METTL9: variants seen among roughly 807,000 people sequenced by gnomAD.
METTL9 encodes the protein protein-L-histidine N-pros-methyltransferase.
Under a neutral mutation model 36.0 loss-of-function variants are expected in METTL9, and 10 were observed. That is an observed-to-expected ratio of 0.28 (90% CI 0.17 to 0.47). The LOEUF is 0.47. Ranked by LOEUF, METTL9 falls within the 20% of genes least tolerant of loss-of-function variation. The pLI, the probability that METTL9 is intolerant of heterozygous loss-of-function variation, is 0.99. For missense variants in METTL9, 246 were observed against 383.5 expected (o/e 0.64, Z 3.00); for synonymous variants, 175 against 149.7 (o/e 1.17, Z -1.23).
At chr16:21,647,033 A>C in intron 4 of METTL9, 1 of 1,510,020 alleles carries the variant, frequency 6.6e-7, no homozygotes, top group Non-Finnish European at 9.2e-7. Flanking sequence ...GTATTAACTT[A>C]GCAAATTTAT....
At chr16:21,603,764 A>G (rs975897299) in intron 1 of METTL9, among the ~76,000 whole-genome samples, 2 of 152,094 alleles carry the variant, frequency 1.3e-5, no homozygotes, top group African/African-American at 4.8e-5. Flanking sequence ...ACCAAACCAC[A>G]ACGATTTCTC....
chr16:21,618,818 A>G (rs2152894818), intron 3 of METTL9, among the ~76,000 whole-genome samples: 1 of 152,014 alleles, frequency 6.6e-6, no homozygotes, highest in East Asian at 1.9e-4. Context: ...GGTTCAAGCA[A>G]TTCTCCTGCC....
intron 4 of METTL9, chr16:21,643,200 G>A (rs1966323688): frequency 2.1e-6 from 3 of 1,424,722 alleles, no homozygotes; most frequent in Admixed American, 1.7e-5. Context: ...GGGAATATAA[G>A]CGATGATAAC....
At chr16:21,628,549 A>G (rs947965707) in intron 4 of METTL9, among the ~76,000 whole-genome samples, 3 of 151,880 alleles carry the variant, frequency 2.0e-5, no homozygotes, top group African/African-American at 7.3e-5. Flanking sequence ...ACGGGAGTGC[A>G]GTGGTGCTGT....
Position 21,657,182 on chromosome 16 carries a change from A to C in METTL9, c.*1750A>C, listed in dbSNP as rs1198424853. The C allele has an allele frequency of 2.0e-5, 3 of 151,698 alleles. No homozygotes were observed. The highest frequency in any genetic ancestry group is 1.5e-5 in the Non-Finnish European group (1 of 67,934). 9.4% of individuals were successfully genotyped at this position (151,698 alleles called of 1,614,324 possible). On this transcript the variant is annotated 3_prime_UTR_variant, in exon 5 of 5. Transcript: ENST00000358154. ...AGAAAAATACAACTCATTCTTAACC[A>C]CCCCCCCAAAACAGAGAAAACACAT... is the stretch of plus-strand genomic sequence containing the variant.
At chr16:21,646,717 C>A in intron 4 of METTL9, 1 of 284,022 alleles carries the variant, frequency 3.5e-6, no homozygotes, top group Non-Finnish European at 7.0e-6. Flanking sequence ...TGCAGTAGTG[C>A]GATCTCGGTT....
chr16:21,606,800 C>T (rs1051362500), intron 1 of METTL9, among the ~76,000 whole-genome samples: 47 of 152,218 alleles, frequency 3.1e-4, no homozygotes, highest in African/African-American at 1.1e-3. Context: ...TTTATTATAC[C>T]ACATCATCTA....
intron 1 of METTL9, among the ~76,000 whole-genome samples, chr16:21,607,353 T>C (rs909154090): frequency 3.3e-5 from 5 of 152,134 alleles, no homozygotes; most frequent in African/African-American, 1.2e-4. Context: ...GGATTACAGG[T>C]GTGAGCCATC....
chr16:21,637,744 C>T (rs1354961465), intron 4 of METTL9, among the ~76,000 whole-genome samples: 2 of 152,258 alleles, frequency 1.3e-5, no homozygotes, highest in Non-Finnish European at 2.9e-5. Context: ...CGTGCCTCTC[C>T]CTCCACACTT....
At chr16:21,621,858 G>A (rs556550028) in intron 3 of METTL9, among the ~76,000 whole-genome samples, 7 of 151,656 alleles carry the variant, frequency 4.6e-5, no homozygotes, top group South Asian at 4.2e-4. Context: ...CTCCCAACCC[G>A]AGATGGCAAG....
intron 4 of METTL9, among the ~76,000 whole-genome samples, chr16:21,642,668 T>G (rs761254322): frequency 6.4e-4 from 98 of 152,316 alleles, no homozygotes; most frequent in Non-Finnish European, 1.2e-3. Context: ...TGTGAATTTA[T>G]TTTTGCCTTA....
chr16:21,599,612 G>C lies in METTL9; in HGVS notation c.-122G>C. On this transcript the variant is annotated 5_prime_UTR_variant, in exon 1 of 5. Coordinates refer to ENST00000358154, the MANE Select transcript of METTL9 (RefSeq NM_016025.5). This position sits in a 1 kb window ranked among gnomAD's most constrained non-coding sequence, Gnocchi z 4.4. Reference sequence around the variant, plus strand: ...CCAGCCTTTGCCCTGAAGGGGGCTGGATGGGCAAGGCGGCCGCGATGGCTC... The same window carrying C: ...CCAGCCTTTGCCCTGAAGGGGGCTGCATGGGCAAGGCGGCCGCGATGGCTC... The C allele has an allele frequency of 7.5e-7, 1 of 1,329,984 alleles. No homozygotes were observed. 82.4% of individuals were successfully genotyped at this position (1,329,984 alleles called of 1,614,324 possible).
intron 1 of METTL9, among the ~76,000 whole-genome samples, chr16:21,608,008 G>C (rs1026265051): frequency 6.6e-6 from 1 of 152,132 alleles, no homozygotes; most frequent in Non-Finnish European, 1.5e-5. Context: ...AATTAGCCAG[G>C]CGGGGTGGTA....
Position 21,599,714 on chromosome 16 carries a change from G to A in METTL9, c.-20G>A, listed in dbSNP as rs1218326866. The A allele has an allele frequency of 1.4e-6, 2 of 1,478,660 alleles. No homozygotes were observed. 91.6% of individuals were successfully genotyped at this position (1,478,660 alleles called of 1,614,324 possible). The stretch of plus-strand genomic sequence containing the variant: ...CGCCCCGGCGCCGGCGGTGATCCGA[G>A]CGAGCGGCCGCGGCCCCCGATGAGA... On this transcript the variant is annotated 5_prime_UTR_variant, in exon 1 of 5. Transcript: ENST00000358154. The surrounding 1 kb of genome is among the most constrained non-coding windows in gnomAD (Gnocchi z 4.4).
chr16:21,613,373 G>A (rs1458945351), intron 2 of METTL9, among the ~76,000 whole-genome samples: 4 of 151,594 alleles, frequency 2.6e-5, no homozygotes, highest in African/African-American at 9.7e-5. Flanking sequence ...TAGTAGAGAC[G>A]AGGTTTCTAT....
chr16:21,599,840 T>C lies in METTL9; in HGVS notation c.107T>C (p.Met36Thr), dbSNP rs1487300116. 1 of 1,527,880 alleles carries C rather than the reference T, an allele frequency of 6.5e-7. No individual in the cohort carries two copies. The allele number at this position is 1,527,880 out of a possible 1,614,324, so 94.6% of individuals were successfully genotyped here. A position where few individuals can be genotyped will look rare whatever the true frequency, so the allele number is the denominator to read the frequency against. ...SPLTRSLYVN[M>T]TSGPGGPAAA... is the part of the protein sequence containing the mutation. ...CTCACCCGCTCCCTGTACGTGAACA[T>C]GACTAGCGGCCCGGGTGGGCCGGCG... The change falls in exon 1 of 5, where the codon ATG becomes ACG. Residue 36 changes from methionine to threonine, a missense_variant. Met to Thr is a moderately conservative substitution (Grantham distance 81, BLOSUM62 -1). This residue lies in a region of METTL9 where 100 missense variants were observed against 81.4 expected (regional missense o/e 1.23). Transcript: ENST00000358154. This position sits in a 1 kb window ranked among gnomAD's most constrained non-coding sequence, Gnocchi z 4.4.
chr16:21,644,165 G>A, intron 4 of METTL9: 1 of 668,620 alleles, frequency 1.5e-6, no homozygotes, highest in Non-Finnish European at 2.6e-6. Flanking sequence ...CCCTGCAGAT[G>A]CACAGGAAAA....
At chr16:21,612,505 T>G (rs1460092927) in intron 1 of METTL9, 140 bp from the exon 2 acceptor site, 3 of 741,788 alleles carry the variant, frequency 4.0e-6, no homozygotes, top group Non-Finnish European at 6.0e-6. Context: ...ACGAAATGAT[T>G]ATTCTCAGAG....
intron 4 of METTL9, chr16:21,644,373 G>T: frequency 1.2e-6 from 2 of 1,613,360 alleles, no homozygotes; most frequent in Admixed American, 1.7e-5. Flanking sequence ...AAGCTCCGCA[G>T]TTCCTTGCTG....
Sources: allele counts gnomAD v4.1 joint callset (sites outside exome capture counted in the v4.1 genomes callset), GRCh38; gene constraint gnomAD v4.1.1; regional missense constraint gnomAD v4.1.1; non-coding constraint Gnocchi (gnomAD v3.1); transcripts MANE v1.5; gene names NCBI Gene and HGNC (gene_info 2026-07-23, HGNC 2026-07-21).